ADGRD2: variants seen among roughly 807,000 people sequenced by gnomAD.
ADGRD2 encodes G protein-coupled receptor PGR24.
Under a neutral mutation model 44.4 loss-of-function variants are expected in ADGRD2, and 71 were observed. The observed-to-expected ratio is 1.60, with a 90% CI of 1.32 to 1.95. The LOEUF is 1.95. ADGRD2 is among the 30% of genes most tolerant of loss of function. The probability of loss-of-function intolerance (pLI) is 0.00; values close to 1 mark genes in which losing one functional copy is unlikely to be tolerated. For missense variants in ADGRD2, 1,039 were observed against 512.4 expected (o/e 2.03, Z -9.92); for synonymous variants, 481 against 224.8 (o/e 2.14, Z -10.19).
At chr9:124,456,145 T>G (rs956573776) in intron 6 of ADGRD2, among the ~76,000 whole-genome samples, 2 of 152,328 alleles carry the variant, frequency 1.3e-5, no homozygotes, top group African/African-American at 4.8e-5. Flanking sequence ...ATAGGGATGA[T>G]CACGCCAGCC....
Position 124,475,654 on chromosome 9 carries a change from C to T in ADGRD2, c.2845+39C>T, listed in dbSNP as rs1332305554. The T allele has an allele frequency of 3.4e-5, 21 of 612,182 alleles. 1 individual carries two copies. In the South Asian group the frequency reaches 3.9e-4, roughly 11 times the overall value. The allele number at this position is 612,182 out of a possible 1,614,324, so 37.9% of individuals were successfully genotyped here. ...TGGGGGTGTGGGTGGGGGCGGGAGG[C>T]CCCCAGAGCCAGGTCCCAGCCCCCA... On this transcript the variant is annotated intron_variant, in intron 19 of 21. Transcript: ENST00000334810.
At chr9:124,452,096 G>C (rs1564136188) in exon 1 of ADGRD2, 2 of 693,398 alleles carry the variant, frequency 2.9e-6, no homozygotes, top group Admixed American at 4.1e-5. Flanking sequence ...CCCAGATCAG[G>C]AGTCTCTCTG....
exon 3 of ADGRD2, chr9:124,453,429 G>T: frequency 1.5e-6 from 1 of 658,404 alleles, no homozygotes; most frequent in East Asian, 3.2e-5. Context: ...ACCCGGTGCC[G>T]TCCGGCGGCA....
exon 1 of ADGRD2, chr9:124,452,138 G>A: frequency 2.8e-6 from 2 of 717,698 alleles, no homozygotes; most frequent in South Asian, 3.0e-5. Context: ...GTGAATCAAG[G>A]AACCCTTGGG....
At chr9:124,477,974 G>C (rs1832080332) in intron 21 of ADGRD2, among the ~76,000 whole-genome samples, 2 of 148,376 alleles carry the variant, frequency 1.3e-5, no homozygotes, top group East Asian at 2.2e-4. Flanking sequence ...CCCCCCACCC[G>C]GCCCGGCTCT....
chr9:124,473,362 C>T (rs1270201342), intron 17 of ADGRD2, among the ~76,000 whole-genome samples: 1 of 152,218 alleles, frequency 6.6e-6, no homozygotes, highest in Non-Finnish European at 1.5e-5. Flanking sequence ...CTCACACTTG[C>T]CCTGGTGGAC....
intron 10 of ADGRD2, among the ~76,000 whole-genome samples, chr9:124,465,059 C>T (rs1352671149): frequency 6.6e-6 from 1 of 152,176 alleles, no homozygotes; most frequent in East Asian, 1.9e-4. Context: ...CCACCTTCCA[C>T]ACCATGCTGG....
At chr9:124,469,350 C>T (rs1204500242) in exon 15 of ADGRD2, 1 of 718,376 alleles carries the variant, frequency 1.4e-6, no homozygotes, top group Admixed American at 2.0e-5. Context: ...GCTCTTCGTG[C>T]TGACTGTGAG....
chr9:124,454,368 A>C lies in ADGRD2; in HGVS notation c.1023-116A>C. The stretch of plus-strand genomic sequence containing the variant: ...TGTGTAAGACTCTGGACACACAGCC[A>C]TCAAGGTGCTCTTCCTTCCCTGGGC... On this transcript the variant is annotated intron_variant, in intron 4 of 21. Transcript: ENST00000334810. This position sits in a 1 kb window ranked among gnomAD's most constrained non-coding sequence, Gnocchi z 4.5. 1 of 630,004 alleles carries C rather than the reference A, an allele frequency of 1.6e-6. No individual in the cohort carries two copies. The highest frequency in any genetic ancestry group is 2.9e-6 in the Non-Finnish European group (1 of 342,100). 39.0% of individuals were successfully genotyped at this position (630,004 alleles called of 1,614,324 possible). A position where few individuals can be genotyped will look rare whatever the true frequency, so the allele number is the denominator to read the frequency against.
chr9:124,464,189 A>G (rs1831771229), intron 10 of ADGRD2, among the ~76,000 whole-genome samples: 1 of 152,082 alleles, frequency 6.6e-6, no homozygotes, highest in African/African-American at 2.4e-5. Context: ...AAAATACATT[A>G]AAATAAAAAT....
intron 15 of ADGRD2, 28 bp downstream of exon 18, chr9:124,469,383 C>T (rs569873758): frequency 7.0e-6 from 5 of 718,180 alleles, no homozygotes; most frequent in African/African-American, 3.5e-5. Context: ...AGGGGAGGGG[C>T]GTGTTGGGGA....
At chr9:124,472,637 G>C (rs1467306401) in intron 17 of ADGRD2, among the ~76,000 whole-genome samples, 2 of 152,156 alleles carry the variant, frequency 1.3e-5, no homozygotes, top group Non-Finnish European at 2.9e-5. Flanking sequence ...CTCCTGAGTA[G>C]CTGGGATTAC....
At chr9:124,476,378 C>T (rs1219653385) in exon 20 of ADGRD2, 6 of 701,930 alleles carry the variant, frequency 8.5e-6, no homozygotes, top group African/African-American at 1.7e-5. Flanking sequence ...CCTAGAACTC[C>T]CTCAGCATTC....
chr9:124,476,462 G>A (rs746420771), intron 20 of ADGRD2, 47 bp downstream of exon 23: 3 of 683,516 alleles, frequency 4.4e-6, no homozygotes, highest in South Asian at 3.0e-5. Context: ...CCAGGGGGCT[G>A]GCAAAGCCAG....
chr9:124,450,993 G>A (rs1405961894), upstream of ADGRD2: 2 of 464,138 alleles, frequency 4.3e-6, no homozygotes, highest in Non-Finnish European at 8.9e-6. Context: ...CCCAGGGTTA[G>A]GGTATCCCCG....
intron 17 of ADGRD2, among the ~76,000 whole-genome samples, chr9:124,472,919 C>T (rs1831979363): frequency 6.6e-6 from 1 of 152,256 alleles, no homozygotes; most frequent in Non-Finnish European, 1.5e-5. Flanking sequence ...CCGGTGAAGG[C>T]AAGGAGAGGC....
chr9:124,466,893 G>A (rs1831834114), intron 11 of ADGRD2: 1 of 152,872 alleles, frequency 6.5e-6, no homozygotes, highest in Non-Finnish European at 1.5e-5. Context: ...CGGATTCACT[G>A]GAGCTGGAAA....
At chr9:124,453,532 G>T in exon 3 of ADGRD2, 2 of 698,796 alleles carry the variant, frequency 2.9e-6, no homozygotes. Context: ...CCACCTGTGG[G>T]CGCGGGCGCT....
chr9:124,451,856 G>A (rs1055306934), upstream of ADGRD2, among the ~76,000 whole-genome samples: 3 of 152,166 alleles, frequency 2.0e-5, no homozygotes, highest in African/African-American at 4.8e-5. Flanking sequence ...CTCACTAAGG[G>A]TGACCCCTCT....
Sources: allele counts gnomAD v4.1 joint callset (sites outside exome capture counted in the v4.1 genomes callset), GRCh38; gene constraint gnomAD v4.1.1; non-coding constraint Gnocchi (gnomAD v3.1); transcripts MANE v1.5; gene names NCBI Gene and HGNC (gene_info 2026-07-23, HGNC 2026-07-21).